The following SNX24 variants were observed in gnomAD, a reference collection of about 807,000 sequenced individuals.
The protein encoded by SNX24 is sorting nexin 24, also known as sorting nexin-24.
In SNX24, 22 loss-of-function variants were observed where a neutral mutation model predicts 28.7. The observed-to-expected ratio is 0.77, with a 90% confidence interval of 0.55 to 1.10. SNX24 has a LOEUF of 1.10. Ranked by LOEUF, SNX24 falls within the 50% of genes least tolerant of loss-of-function variation. SNX24 has a pLI of 0.00. For missense variants in SNX24, 221 were observed against 201.1 expected (o/e 1.10, Z -0.60); for synonymous variants, 69 against 71.5 (o/e 0.96, Z 0.18).
At chr5:122,977,966 C>T (rs1394504308) in intron 3 of SNX24, among the ~76,000 whole-genome samples, 1 of 151,998 alleles carries the variant, frequency 6.6e-6, no homozygotes. Flanking sequence ...TTGTAATAGT[C>T]TTTGATGTGA....
At position 122,901,496 on chromosome 5, in the gene SNX24, C is replaced by T. The variant is rs538189738; in HGVS notation, c.61-35238C>T. ...AATAAATATTCTAGGAATTTAGGAA[C>T]GATCAGCCAGGTCCAGCGGGGCTGG... On this transcript the variant is annotated intron_variant, in intron 1 of 6. Coordinates refer to ENST00000261369, the MANE Select transcript of SNX24 (RefSeq NM_014035.4). 1.7e-4 allele frequency among the ~76,000 whole-genome samples: 26 copies of T among 152,230 alleles called. No individual in the cohort carries two copies. The South Asian group carries it at 2.9e-3, about 17-fold the overall frequency.
chr5:122,960,028 G>A (rs1760417474), intron 3 of SNX24, among the ~76,000 whole-genome samples: 1 of 152,156 alleles, frequency 6.6e-6, no homozygotes, highest in East Asian at 1.9e-4. Context: ...CCCTACACGG[G>A]CTGTGTTTTC....
intron 2 of SNX24, among the ~76,000 whole-genome samples, chr5:122,940,839 TTG>T (rs1302729201): frequency 6.6e-5 from 10 of 152,206 alleles, no homozygotes; most frequent in African/African-American, 2.4e-4. Flanking sequence ...TCCCAAAGTG[TTG>T]GGATTACAGG....
chr5:122,956,018 T>G (rs945304247), intron 3 of SNX24, among the ~76,000 whole-genome samples: 1 of 152,146 alleles, frequency 6.6e-6, no homozygotes, highest in Non-Finnish European at 1.5e-5. Context: ...GCTGCCCCTC[T>G]CTGTGTTCTA....
Position 123,008,364 on chromosome 5 carries a change from G to C in SNX24, c.*615G>C. The stretch of plus-strand genomic sequence containing the variant: ...GAGTGGAGTTGCATCATACTCAGGG[G>C]TTAGCTTCCAAGGTCAGTACATAGG... On this transcript the variant is annotated 3_prime_UTR_variant, in exon 7 of 7. Transcript: ENST00000261369. 1 of 923,158 alleles carries C rather than the reference G, an allele frequency of 1.1e-6. No homozygotes were observed. Among genetic ancestry groups the C allele is most frequent in the Non-Finnish European group, 1.3e-6 (1 of 773,190 alleles). The allele number at this position is 923,158 out of a possible 1,614,324, so 57.2% of individuals were successfully genotyped here. A position where few individuals can be genotyped will look rare whatever the true frequency, so the allele number is the denominator to read the frequency against.
chr5:122,872,564 C>G (rs1337221598), intron 1 of SNX24, among the ~76,000 whole-genome samples: 2 of 151,988 alleles, frequency 1.3e-5, no homozygotes, highest in African/African-American at 4.8e-5. Flanking sequence ...ATAAAATGGC[C>G]TAGTATTTGC....
chr5:122,872,588 A>G (rs943421569), intron 1 of SNX24, among the ~76,000 whole-genome samples: 8 of 152,164 alleles, frequency 5.3e-5, no homozygotes, highest in African/African-American at 1.7e-4. Flanking sequence ...TAAACTATGC[A>G]CATTCTCCTG....
intron 1 of SNX24, among the ~76,000 whole-genome samples, chr5:122,870,906 G>A (rs1164407023): frequency 1.3e-5 from 2 of 152,180 alleles, no homozygotes; most frequent in Non-Finnish European, 2.9e-5. Flanking sequence ...GGTGCACGTC[G>A]TTGTCTGCTA....
chr5:122,879,888 T>C (rs550549863), intron 1 of SNX24, among the ~76,000 whole-genome samples: 1 of 152,314 alleles, frequency 6.6e-6, no homozygotes, highest in South Asian at 2.1e-4. Context: ...AAAAACTGAA[T>C]GTAGATGACT....
intron 3 of SNX24, among the ~76,000 whole-genome samples, chr5:122,979,338 C>A (rs1018705208): frequency 6.6e-6 from 1 of 152,158 alleles, no homozygotes; most frequent in East Asian, 1.9e-4. Flanking sequence ...TTCTGCGGCC[C>A]GAAGCAGATG....
chr5:122,946,156 A>G lies in SNX24; in HGVS notation c.246A>G (p.Leu82=). The change falls in exon 3 of 7, where the codon TTA becomes TTG. Residue 82 remains leucine (L), a synonymous_variant. Transcript: ENST00000261369. Reference sequence around the variant, plus strand: ...GACGACAAGGCTTGGAAACATACTTACAGGTAAGATATGTTTAGATCCTCA... The same window carrying G: ...GACGACAAGGCTTGGAAACATACTTGCAGGTAAGATATGTTTAGATCCTCA... ...EQRRQGLETY[L]QAVILENEEL... is the part of the protein sequence containing the mutation. The G allele has an allele frequency of 6.4e-7, 1 of 1,561,880 alleles. No homozygotes were observed. The highest frequency in any genetic ancestry group is 8.8e-7 in the Non-Finnish European group (1 of 1,134,204).
chr5:123,021,009 G>A (rs1762753790), intron 5 of SNX24, among the ~76,000 whole-genome samples: 1 of 151,282 alleles, frequency 6.6e-6, no homozygotes, highest in Non-Finnish European at 1.5e-5. Context: ...CACCTCCCCT[G>A]CTCTGTTCAT....
chr5:122,856,018 G>T (rs947395489), intron 1 of SNX24, among the ~76,000 whole-genome samples: 1 of 152,110 alleles, frequency 6.6e-6, no homozygotes, highest in African/African-American at 2.4e-5. Flanking sequence ...TGTTATATGG[G>T]TAAATTGCAT....
rs764830749 is a variant in SNX24, at chr5:122,937,030, G to C, written c.144+213G>C. 3.4e-4 allele frequency among the ~76,000 whole-genome samples: 51 copies of C among 152,122 alleles called. 1 individual carries two copies. The highest frequency in any genetic ancestry group is 4.6e-4 in the Non-Finnish European group (31 of 68,016). ...GGTAGATTTTCTGTTAAAATCATTT[G>C]CATGTAAAAATCTCAGGCTGCAAGC... On this transcript the variant is annotated intron_variant, in intron 2 of 6. Transcript: ENST00000261369.
intron 1 of SNX24, among the ~76,000 whole-genome samples, chr5:122,923,980 A>G (rs1199183914): frequency 1.3e-5 from 2 of 152,250 alleles, no homozygotes; most frequent in Non-Finnish European, 2.9e-5. Context: ...AGAAATAAGC[A>G]TAGCATATCA....
intron 3 of SNX24, among the ~76,000 whole-genome samples, chr5:122,995,627 A>G (rs1466749035): frequency 6.6e-6 from 1 of 152,224 alleles, no homozygotes; most frequent in African/African-American, 2.4e-5. Context: ...CATCTGGGTA[A>G]TTAATTCTGC....
At chr5:122,990,771 A>G (rs1761811350) in intron 3 of SNX24, among the ~76,000 whole-genome samples, 1 of 152,206 alleles carries the variant, frequency 6.6e-6, no homozygotes, top group African/African-American at 2.4e-5. Flanking sequence ...GCCTTACCAT[A>G]TTATTTGAAT....
chr5:122,849,088 A>T (rs2150028592), intron 1 of SNX24, among the ~76,000 whole-genome samples: 2 of 152,280 alleles, frequency 1.3e-5, no homozygotes, highest in South Asian at 2.1e-4. Context: ...ATGATTTTTT[A>T]TGCCCACTAC....
chr5:122,922,896 A>T (rs759704913), intron 1 of SNX24, among the ~76,000 whole-genome samples: 1 of 152,202 alleles, frequency 6.6e-6, no homozygotes, highest in Non-Finnish European at 1.5e-5. Flanking sequence ...AGACACCTTG[A>T]ATAGGGTCTA....
Sources: allele counts gnomAD v4.1 joint callset (sites outside exome capture counted in the v4.1 genomes callset), GRCh38; gene constraint gnomAD v4.1.1; transcripts MANE v1.5; gene names NCBI Gene and HGNC (gene_info 2026-07-23, HGNC 2026-07-21).